The following OXR1 variants were observed in gnomAD, a reference collection of about 807,000 sequenced individuals.
OXR1 encodes oxidation resistance protein 1.
A neutral mutation model predicts 104.6 loss-of-function variants in OXR1; 41 were observed. That is an observed-to-expected ratio of 0.39 (90% CI 0.31 to 0.51). The LOEUF (loss-of-function observed/expected upper bound fraction) is 0.51, where lower values mean the gene tolerates loss of function less well. Among genes scored for constraint, OXR1 ranks in the 20% least tolerant of loss-of-function variants. OXR1 has a pLI of 0.77. For missense variants in OXR1, 955 were observed against 1,031.9 expected (o/e 0.93, Z 1.02); for synonymous variants, 348 against 348.4 (o/e 1.00, Z 0.01).
intron 11 of OXR1, among the ~76,000 whole-genome samples, chr8:106,736,455 T>C (rs1444371825): frequency 1.3e-5 from 2 of 152,188 alleles, no homozygotes; most frequent in Non-Finnish European, 2.9e-5. Flanking sequence ...TCTAAACTCT[T>C]TATGAGCCAG....
intron 3 of OXR1, among the ~76,000 whole-genome samples, chr8:106,670,845 A>G (rs1826870714): frequency 6.6e-6 from 1 of 151,980 alleles, no homozygotes; most frequent in South Asian, 2.1e-4. Context: ...CATTATTTAA[A>G]GAGAGAATGG....
chr8:106,539,176 T>C (rs1388569123), intron 3 of OXR1, among the ~76,000 whole-genome samples: 1 of 152,244 alleles, frequency 6.6e-6, no homozygotes, highest in African/African-American at 2.4e-5. Flanking sequence ...CTTATGTTGC[T>C]GTAGTTGATA....
chr8:106,602,558 G>A (rs1171536436), intron 3 of OXR1, among the ~76,000 whole-genome samples: 1 of 152,122 alleles, frequency 6.6e-6, no homozygotes, highest in Non-Finnish European at 1.5e-5. Context: ...GAAAGAATAG[G>A]GAAGGAATAT....
chr8:106,421,155 A>G (rs150292831), intron 2 of OXR1, among the ~76,000 whole-genome samples: 1 of 152,280 alleles, frequency 6.6e-6, no homozygotes, highest in African/African-American at 2.4e-5. Context: ...TGCCAAATAG[A>G]TGATTTCTTA....
intron 3 of OXR1, among the ~76,000 whole-genome samples, chr8:106,594,172 C>T (rs748478016): frequency 1.3e-5 from 2 of 152,050 alleles, no homozygotes; most frequent in African/African-American, 4.8e-5. Context: ...AGGGTGTATT[C>T]AATTGCTGAG....
intron 3 of OXR1, among the ~76,000 whole-genome samples, chr8:106,531,784 C>A (rs1814113997): frequency 1.3e-5 from 2 of 152,078 alleles, no homozygotes; most frequent in African/African-American, 4.8e-5. Context: ...GTTTGGGGTA[C>A]AAAGTTTTTA....
chr8:106,513,901 A>G (rs1259615994), intron 2 of OXR1, among the ~76,000 whole-genome samples: 1 of 152,174 alleles, frequency 6.6e-6, no homozygotes, highest in Non-Finnish European at 1.5e-5. Flanking sequence ...CAGCATTGTT[A>G]CCATGCTGAA....
In OXR1 at chr8:106,697,593, A is replaced by G. The variant is rs1355506123; in HGVS notation, c.675+4716A>G. The G allele has an allele frequency of 3.1e-6, 5 of 1,611,778 alleles. No individual in the cohort carries two copies. In the African/African-American group the frequency reaches 4.0e-5, roughly 13 times the overall value. On this transcript the variant is annotated intron_variant, in intron 7 of 16. Coordinates refer to ENST00000517566, the MANE Select transcript of OXR1 (RefSeq NM_001198533.2). ...TGGGATCCCCAGAGAAGAGCCCATC[A>G]TCCCAGGCTACTGCCAACCCACCCA...
At chr8:106,489,849 C>T (rs1352956654) in intron 2 of OXR1, among the ~76,000 whole-genome samples, 1 of 152,094 alleles carries the variant, frequency 6.6e-6, no homozygotes, top group East Asian at 1.9e-4. Context: ...ACCTTTTCTA[C>T]TGCATATATT....
chr8:106,363,256 T>A (rs532574130), intron 2 of OXR1, among the ~76,000 whole-genome samples: 4 of 152,194 alleles, frequency 2.6e-5, no homozygotes, highest in African/African-American at 9.6e-5. Flanking sequence ...AGAAGACTGA[T>A]AAGTGATCAA....
intron 3 of OXR1, among the ~76,000 whole-genome samples, chr8:106,645,983 GAACAACAAC>G (rs1398996850): frequency 6.6e-6 from 1 of 152,018 alleles, no homozygotes; most frequent in African/African-American, 2.4e-5. Context: ...CCAACAGAAG[GAACAACAAC>G]AACAAAAAAC....
chr8:106,680,231 TCA>T (rs1828015551), intron 4 of OXR1, among the ~76,000 whole-genome samples: 1 of 152,116 alleles, frequency 6.6e-6, no homozygotes. Context: ...CAAGATAATC[TCA>T]CAGCATATTT....
intron 2 of OXR1, among the ~76,000 whole-genome samples, chr8:106,472,968 C>T (rs1412950457): frequency 2.0e-5 from 3 of 151,888 alleles, no homozygotes; most frequent in Non-Finnish European, 4.4e-5. Flanking sequence ...GTTTCTCCAT[C>T]ATTCTTTTTT....
intron 3 of OXR1, among the ~76,000 whole-genome samples, chr8:106,537,699 G>GAAGAAT (rs1814648954): frequency 6.6e-6 from 1 of 151,616 alleles, no homozygotes; most frequent in African/African-American, 2.4e-5. Flanking sequence ...AGAAGAAGAA[G>GAAGAAT]AATTCTAGAG....
intron 3 of OXR1, among the ~76,000 whole-genome samples, chr8:106,560,633 C>A (rs1296723797): frequency 3.3e-5 from 5 of 152,228 alleles, no homozygotes. Flanking sequence ...CCAGGGGCCA[C>A]AACAAGTAGA....
chr8:106,644,113 G>T lies in OXR1; in HGVS notation c.221-35097G>T, dbSNP rs115437060. On this transcript the variant is annotated intron_variant, in intron 3 of 16. Transcript: ENST00000517566. ...GATAGGAAACCAAATTTTTAAACTG[G>T]GAGGATAAATGATCGACAGATTCTT... 5.5e-3 allele frequency among the ~76,000 whole-genome samples: 833 copies of T among 152,230 alleles called. 6 individuals are homozygous for T. Among genetic ancestry groups the T allele is most frequent in the African/African-American group, 0.018 (742 of 41,538 alleles).
intron 2 of OXR1, among the ~76,000 whole-genome samples, chr8:106,429,102 G>A (rs1387984850): frequency 6.6e-6 from 1 of 152,066 alleles, no homozygotes; most frequent in Admixed American, 6.5e-5. Context: ...GGGAAGCCAC[G>A]GCTTTATTGT....
At chr8:106,405,202 AGTGTGT>A (rs58338664) in intron 2 of OXR1, among the ~76,000 whole-genome samples, 3 of 20,044 alleles carry the variant, frequency 1.5e-4, no homozygotes, top group Non-Finnish European at 2.5e-4. Flanking sequence ...ATATATATAT[AGTGTGT>A]GTGTGTGTGT....
intron 2 of OXR1, among the ~76,000 whole-genome samples, chr8:106,414,728 T>G (rs991193704): frequency 6.6e-6 from 1 of 151,978 alleles, no homozygotes; most frequent in Non-Finnish European, 1.5e-5. Flanking sequence ...CACGAAGTAG[T>G]TTGGTTTGGC....
Sources: allele counts gnomAD v4.1 joint callset (sites outside exome capture counted in the v4.1 genomes callset), GRCh38; gene constraint gnomAD v4.1.1; transcripts MANE v1.5; gene names NCBI Gene and HGNC (gene_info 2026-07-23, HGNC 2026-07-21).